The following GRIPAP1 variants were observed in gnomAD, a reference collection of about 807,000 sequenced individuals.
The protein encoded by GRIPAP1 is GRIP1-associated protein 1.
A neutral mutation model predicts 84.1 loss-of-function variants in GRIPAP1; 14 were observed. The ratio of observed to expected loss-of-function variants is 0.17; its 90% CI spans 0.11 to 0.26. The LOEUF (loss-of-function observed/expected upper bound fraction) is 0.26, where lower values mean the gene tolerates loss of function less well. Ranked by LOEUF, GRIPAP1 falls within the 10% of genes least tolerant of loss-of-function variation. GRIPAP1 has a pLI of 1.00. For synonymous variants in GRIPAP1, 261 were observed against 256.8 expected (o/e 1.02, Z -0.15); for missense variants, 518 against 674.2 (o/e 0.77, Z 2.57).
At position 48,980,225 on chromosome X, in the gene GRIPAP1, T is replaced by TTGTG. The variant is rs781796368; in HGVS notation, c.1930+986_1930+989dup. On this transcript the variant is annotated intron_variant, in intron 21 of 25. Coordinates refer to ENST00000376423, the MANE Select transcript of GRIPAP1 (RefSeq NM_020137.5). The stretch of plus-strand genomic sequence containing the variant: ...TTAAAAAAGGCTGAAGCAACTAAAG[T>TTGTG]TGTGTGTGTGTGTGTGTGTGTGTGT... Among the ~76,000 whole-genome samples the TTGTG allele has an allele frequency of 4.0e-3, 365 of 90,561 alleles. 3 individuals carry two copies. Among genetic ancestry groups the TTGTG allele is most frequent in the African/African-American group, 0.014 (340 of 24,742 alleles). The allele number at this position is 90,561 out of a possible 115,157, so 78.6% of individuals were successfully genotyped here.
In GRIPAP1 at chrX:48,983,447, G is replaced by T. The variant is rs782728014; in HGVS notation, c.1273-7C>A. On this transcript the variant is annotated splice_region_variant and splice_polypyrimidine_tract_variant and intron_variant, in intron 15 of 25. Coordinates refer to ENST00000376423, the MANE Select transcript of GRIPAP1 (RefSeq NM_020137.5). ...CCTTCCGCTTCTCCGCACTCTGGGGGCCAGGACGATGGCAGTCAACTTCCT... is the reference window on the plus strand; with the variant it reads ...CCTTCCGCTTCTCCGCACTCTGGGGTCCAGGACGATGGCAGTCAACTTCCT... 5.8e-6 allele frequency: 7 copies of T among 1,199,485 alleles called. No individual in the cohort carries two copies. Among genetic ancestry groups the T allele is most frequent in the Admixed American group, 4.4e-5 (2 of 45,944 alleles).
chrX:48,980,043 G>A (rs1279281059), intron 21 of GRIPAP1, among the ~76,000 whole-genome samples: 2 of 111,497 alleles, frequency 1.8e-5, no homozygotes, highest in Admixed American at 1.9e-4. Context: ...AGCCCTCGAG[G>A]ATCTCTGGCA....
At chrX:48,986,977 T>G (rs1677617416) in intron 13 of GRIPAP1, among the ~76,000 whole-genome samples, 1 of 107,074 alleles carries the variant, frequency 9.3e-6, no homozygotes, top group South Asian at 4.1e-4. Flanking sequence ...GCCTCCCGAG[T>G]AGCTTGGATT....
In GRIPAP1 at chrX:48,999,460, A is replaced by T. The variant is rs1557067777; in HGVS notation, c.87T>A (p.Asp29Glu). Residue 29 changes from aspartate (D) to glutamate (E), a missense_variant, in exon 2 of 26, where the codon GAT becomes GAA. Physicochemically the swap from Asp to Glu is conservative, Grantham distance 45. Around this residue, in one of 5 missense-constraint regions of GRIPAP1, gnomAD observed 372 missense variants for 458.1 expected, o/e 0.81. Transcript: ENST00000376423. ...ELRTNNYQLS[D>E]ELRKNGVELT... ...CACCAACACCATTCTTGCGTAGTTC[A>T]TCTGAAAGCTGGTAGTTGTTTGTCC... is the stretch of plus-strand genomic sequence containing the variant. The T allele has an allele frequency of 5.0e-6, 6 of 1,206,357 alleles. No homozygotes were observed. The highest frequency in any genetic ancestry group is 6.7e-6 in the Non-Finnish European group (6 of 890,795).
At chrX:49,001,981 A>G (rs1200310915) in intron 1 of GRIPAP1, among the ~76,000 whole-genome samples, 1 of 110,717 alleles carries the variant, frequency 9.0e-6, no homozygotes, top group African/African-American at 3.3e-5. Context: ...CCAGCCCACA[A>G]TGCTAACAGA....
intron 11 of GRIPAP1, chrX:48,988,534 C>T: frequency 1.3e-5 from 3 of 239,472 alleles, no homozygotes; most frequent in Non-Finnish European, 1.5e-5. Context: ...TTCTCAGACA[C>T]AGTCAGCCCC....
Position 48,987,766 on chromosome X carries a change from G to GC in GRIPAP1, c.1041+18dup. On this transcript the variant is annotated intron_variant, in intron 13 of 25. Coordinates refer to ENST00000376423, the MANE Select transcript of GRIPAP1 (RefSeq NM_020137.5). ...GGGAACTGGAGAGGGATCAGCAAGG[G>GC]CCCCCAGGTGTTCTTTACCTGCTCC... 1 of 1,022,015 alleles carries GC rather than the reference G, an allele frequency of 9.8e-7. No individual in the cohort carries two copies. The highest frequency in any genetic ancestry group is 1.4e-6 in the Non-Finnish European group (1 of 726,683). 84.2% of individuals were successfully genotyped at this position (1,022,015 alleles called of 1,213,427 possible). A position where few individuals can be genotyped will look rare whatever the true frequency, so the allele number is the denominator to read the frequency against.
chrX:48,985,733 G>T (rs1369105980), intron 13 of GRIPAP1, among the ~76,000 whole-genome samples: 1 of 111,151 alleles, frequency 9.0e-6, no homozygotes. Flanking sequence ...TGTTGCTAGA[G>T]ATCAGAATAA....
rs2064409175 is a variant in GRIPAP1, at chrX:48,974,004, C to A, written c.*189G>T. On this transcript the variant is annotated 3_prime_UTR_variant, in exon 26 of 26. Coordinates refer to ENST00000376423, the MANE Select transcript of GRIPAP1 (RefSeq NM_020137.5). Reference sequence around the variant, plus strand: ...AAATCCCTGCCCCTTCCCTCAGGATCCCCACTCCCTGGTGGCCTCTGCCCT... The same window carrying A: ...AAATCCCTGCCCCTTCCCTCAGGATACCCACTCCCTGGTGGCCTCTGCCCT... 1.2e-5 allele frequency: 4 copies of A among 347,371 alleles called. No homozygotes were observed. Among genetic ancestry groups the A allele is most frequent in the African/African-American group, 1.0e-4 (4 of 38,898 alleles). The allele number at this position is 347,371 out of a possible 1,213,427, so 28.6% of individuals were successfully genotyped here. A position where few individuals can be genotyped will look rare whatever the true frequency, so the allele number is the denominator to read the frequency against.
intron 21 of GRIPAP1, among the ~76,000 whole-genome samples, chrX:48,980,061 G>A (rs1277137969): frequency 1.8e-5 from 2 of 111,371 alleles, no homozygotes. Flanking sequence ...GCAAGGGTGG[G>A]GTGACTGAGT....
At chrX:48,975,956 A>T in intron 24 of GRIPAP1, 62 bp downstream of exon 24, 1 of 940,133 alleles carries the variant, frequency 1.1e-6, no homozygotes, top group East Asian at 3.1e-5. Context: ...GCAGCACAGA[A>T]TGGAGAGGGA....
intron 1 of GRIPAP1, chrX:49,000,616 G>A (rs1249265073): frequency 1.8e-5 from 2 of 109,449 alleles, no homozygotes; most frequent in Non-Finnish European, 1.9e-5. Context: ...ACTTGAACCC[G>A]GGAGGTGGAG....
intron 4 of GRIPAP1, 40 bp downstream of exon 4, chrX:48,998,114 A>C (rs1557067318): frequency 1.4e-5 from 15 of 1,070,555 alleles, no homozygotes; most frequent in Non-Finnish European, 1.4e-5. Flanking sequence ...GCCCACCAAG[A>C]CATCTCCCAG....
chrX:48,983,679 T>TC, intron 15 of GRIPAP1, 96 bp downstream of exon 15: 1 of 616,418 alleles, frequency 1.6e-6, no homozygotes, highest in Non-Finnish European at 2.8e-6. Context: ...TTCCCTCCTA[T>TC]CCCCACATGT....
At position 48,976,024 on chromosome X, in the gene GRIPAP1, G is replaced by A. The variant is rs2064420822; in HGVS notation, c.2272C>T (p.Arg758Trp). ...CCGGGGAGGGGACACTGACCGATCC[G>A]GCTGTCCATGACGTAGGTCTCAATG... ...AIIETYVMDSRIDVSVAAGHT... is the reference protein window; with the variant it reads ...AIIETYVMDSWIDVSVAAGHT... The change falls in exon 24 of 26, where the codon CGG (arginine) becomes TGG (tryptophan). Residue 758 changes from arginine (R) to tryptophan (W), a missense_variant. This residue lies in a region of GRIPAP1 where 32 missense variants were observed against 82.4 expected (regional missense o/e 0.39). Transcript: ENST00000376423. The A allele has an allele frequency of 1.7e-6, 2 of 1,208,794 alleles. No homozygotes were observed. Among genetic ancestry groups the A allele is most frequent in the Non-Finnish European group, 2.2e-6 (2 of 892,862 alleles).
chrX:48,984,544 C>T (rs1167186567), intron 14 of GRIPAP1, among the ~76,000 whole-genome samples: 1 of 109,050 alleles, frequency 9.2e-6, no homozygotes, highest in African/African-American at 3.3e-5. Context: ...GGTAAAACCC[C>T]GTCTCTACTA....
At chrX:48,994,699 C>T (rs1043398193) in intron 5 of GRIPAP1, among the ~76,000 whole-genome samples, 1 of 111,814 alleles carries the variant, frequency 8.9e-6, no homozygotes, top group South Asian at 3.7e-4. Context: ...TTACCTAGTA[C>T]TAATCAAAAT....
intron 22 of GRIPAP1, chrX:48,978,028 G>T: frequency 3.8e-6 from 1 of 261,458 alleles, no homozygotes; most frequent in Non-Finnish European, 6.9e-6. Context: ...CTTCTCCTTG[G>T]ATGGTGCACC....
At chrX:48,974,368 C>T (rs1602464711) in intron 25 of GRIPAP1, 83 bp from the exon 26 acceptor site, 1 of 575,964 alleles carries the variant, frequency 1.7e-6, no homozygotes, top group Non-Finnish European at 2.9e-6. Context: ...CTGTGATTTC[C>T]CTCACACCCT....
Sources: gnomAD v4.1 joint callset for allele counts (sites outside exome capture counted in the v4.1 genomes callset) on GRCh38, gnomAD v4.1.1 for gene constraint, gnomAD v4.1.1 regional missense constraint, MANE v1.5 for transcripts, NCBI Gene and HGNC (gene_info 2026-07-23, HGNC 2026-07-21) for gene names.